The following DENND1A variants were observed in gnomAD, a reference collection of about 807,000 sequenced individuals.
DENND1A encodes DENN domain containing 1A, also known as DENN domain-containing protein 1A.
A neutral mutation model predicts 113.7 loss-of-function variants in DENND1A; 51 were observed. That is an observed-to-expected ratio of 0.45 (90% CI 0.36 to 0.57). DENND1A has a LOEUF of 0.57. Ranked by LOEUF, DENND1A falls within the 20% of genes least tolerant of loss-of-function variation. The pLI is 0.00. For synonymous variants in DENND1A, 565 were observed against 570.8 expected, an observed-to-expected ratio of 0.99 and a Z score of 0.14; for missense variants, 1,258 against 1,395.9, an observed-to-expected ratio of 0.90 and a Z score of 1.57.
chr9:123,602,235 T>C (rs1375194252), intron 11 of DENND1A, among the ~76,000 whole-genome samples: 1 of 152,232 alleles, frequency 6.6e-6, no homozygotes, highest in Non-Finnish European at 1.5e-5. Context: ...CTAGATTACT[T>C]ACAATACCTA....
At chr9:123,863,931 T>A (rs1471354975) in intron 2 of DENND1A, among the ~76,000 whole-genome samples, 1 of 151,022 alleles carries the variant, frequency 6.6e-6, no homozygotes, top group East Asian at 1.9e-4. Flanking sequence ...ATTTTTTTTT[T>A]AAAGGACTGT....
intron 12 of DENND1A, among the ~76,000 whole-genome samples, chr9:123,581,922 T>C (rs1317744680): frequency 1.3e-5 from 2 of 152,256 alleles, no homozygotes; most frequent in Non-Finnish European, 1.5e-5. Flanking sequence ...CTCACTGGCA[T>C]GGACAAGGGG....
chr9:123,911,029 A>C (rs938730324), intron 1 of DENND1A, among the ~76,000 whole-genome samples: 1 of 152,242 alleles, frequency 6.6e-6, no homozygotes, highest in Non-Finnish European at 1.5e-5. Flanking sequence ...TATGTCTGAC[A>C]AAGTACTCAC....
At chr9:123,888,858 T>C (rs1249596435) in intron 1 of DENND1A, among the ~76,000 whole-genome samples, 3 of 152,178 alleles carry the variant, frequency 2.0e-5, no homozygotes, top group African/African-American at 7.2e-5. Context: ...GATTTTGATG[T>C]TTGCATTGCG....
intron 4 of DENND1A, among the ~76,000 whole-genome samples, chr9:123,761,344 A>G (rs923879984): frequency 6.6e-6 from 1 of 152,254 alleles, no homozygotes; most frequent in Admixed American, 6.5e-5. Context: ...AGAATTTAGT[A>G]TAAAGGTCAG....
chr9:123,879,235 A>AATAT (rs61314267), intron 1 of DENND1A, among the ~76,000 whole-genome samples: 3 of 151,802 alleles, frequency 2.0e-5, no homozygotes, highest in African/African-American at 4.8e-5. Flanking sequence ...TAAAACTTGA[A>AATAT]ATATATATAT....
chr9:123,801,871 C>A (rs1181412781), intron 2 of DENND1A, among the ~76,000 whole-genome samples: 1 of 152,190 alleles, frequency 6.6e-6, no homozygotes, highest in Non-Finnish European at 1.5e-5. Context: ...ATGCTCTATT[C>A]ACCTTTCTCA....
At chr9:123,498,208 A>T (rs1194114656) in intron 13 of DENND1A, among the ~76,000 whole-genome samples, 3 of 152,260 alleles carry the variant, frequency 2.0e-5, no homozygotes, top group Non-Finnish European at 2.9e-5. Flanking sequence ...CTTCACATTT[A>T]TAGGGTCCCT....
intron 18 of DENND1A, among the ~76,000 whole-genome samples, chr9:123,445,178 C>T (rs548108089): frequency 9.9e-5 from 15 of 152,232 alleles, no homozygotes; most frequent in East Asian, 3.9e-4. Context: ...CATGAGAAAT[C>T]GGGGAGGTAA....
chr9:123,928,883 T>C (rs1345340538), intron 1 of DENND1A: 1 of 985,370 alleles, frequency 1.0e-6, no homozygotes, highest in African/African-American at 1.7e-5. Flanking sequence ...CCTAGGAAAG[T>C]TGTTTTACAG....
intron 2 of DENND1A, among the ~76,000 whole-genome samples, chr9:123,862,960 T>C (rs1331414932): frequency 6.6e-6 from 1 of 152,200 alleles, no homozygotes; most frequent in African/African-American, 2.4e-5. Context: ...ATACATCAAA[T>C]GGGAATCTTC....
At chr9:123,474,868 A>G (rs2133492074) in intron 13 of DENND1A, among the ~76,000 whole-genome samples, 1 of 152,332 alleles carries the variant, frequency 6.6e-6, no homozygotes, top group Non-Finnish European at 1.5e-5. Context: ...GGACAGTGAA[A>G]AGCATGGGTT....
At chr9:123,701,465 C>T (rs1335578590) in intron 5 of DENND1A, among the ~76,000 whole-genome samples, 1 of 152,144 alleles carries the variant, frequency 6.6e-6, no homozygotes, top group Non-Finnish European at 1.5e-5. Context: ...TCTAGGTCCC[C>T]AATACTGAGC....
intron 2 of DENND1A, among the ~76,000 whole-genome samples, chr9:123,795,699 G>C (rs1833663551): frequency 6.6e-6 from 1 of 152,108 alleles, no homozygotes; most frequent in Non-Finnish European, 1.5e-5. Context: ...CTGTGCATCG[G>C]TCTAATATTT....
intron 2 of DENND1A, among the ~76,000 whole-genome samples, chr9:123,843,874 C>T (rs757998223): frequency 7.2e-5 from 11 of 151,888 alleles, no homozygotes; most frequent in African/African-American, 1.5e-4. Context: ...AAAGTACTTA[C>T]GATAGAATTT....
intron 4 of DENND1A, among the ~76,000 whole-genome samples, chr9:123,761,257 C>T (rs944915023): frequency 4.6e-5 from 7 of 152,200 alleles, no homozygotes; most frequent in Admixed American, 3.3e-4. Context: ...AACCTTTAAG[C>T]ACCTGAGTTT....
chr9:123,721,026 A>G (rs1445863774), intron 5 of DENND1A, among the ~76,000 whole-genome samples: 1 of 152,228 alleles, frequency 6.6e-6, no homozygotes, highest in Non-Finnish European at 1.5e-5. Flanking sequence ...CTTCAGCCTT[A>G]GAGTGCAAGC....
chr9:123,626,395 G>T (rs1413752007), intron 10 of DENND1A, among the ~76,000 whole-genome samples: 2 of 151,800 alleles, frequency 1.3e-5, no homozygotes, highest in African/African-American at 4.8e-5. Context: ...ATGCTAAGGG[G>T]GCTGGATGTC....
chr9:123,856,307 C>T (rs1019378391), intron 2 of DENND1A, among the ~76,000 whole-genome samples: 3 of 152,206 alleles, frequency 2.0e-5, no homozygotes, highest in Admixed American at 1.3e-4. Context: ...ACTCAAAGTG[C>T]AACCAGTGCG....
Sources: allele counts gnomAD v4.1 joint callset (sites outside exome capture counted in the v4.1 genomes callset), GRCh38; gene constraint gnomAD v4.1.1; transcripts MANE v1.5; gene names NCBI Gene and HGNC (gene_info 2026-07-23, HGNC 2026-07-21).